PPARGC1A: variants seen among roughly 807,000 people sequenced by gnomAD.
PPARGC1A encodes PPARG coactivator 1 alpha, also known as peroxisome proliferator-activated receptor gamma coactivator 1-alpha.
Under a neutral mutation model 88.7 loss-of-function variants are expected in PPARGC1A, and 25 were observed. The ratio of observed to expected loss-of-function variants is 0.28; its 90% CI spans 0.21 to 0.39. The LOEUF is 0.39. Ranked by LOEUF, PPARGC1A falls within the 10% of genes least tolerant of loss-of-function variation. The pLI is 1.00. For synonymous variants in PPARGC1A, 363 were observed against 355.6 expected, an observed-to-expected ratio of 1.02 and a Z score of -0.24; for missense variants, 880 against 968.7, an observed-to-expected ratio of 0.91 and a Z score of 1.22.
At chr4:23,824,951 T>G (rs1723674110) in intron 5 of PPARGC1A, among the ~76,000 whole-genome samples, 1 of 152,124 alleles carries the variant, frequency 6.6e-6, no homozygotes, top group South Asian at 2.1e-4. Flanking sequence ...AATAGTTATT[T>G]CTATGAGGCC....
At chr4:24,045,267 A>T in the PPARGC1A span, among the ~76,000 whole-genome samples, 1 of 152,302 alleles carries the variant, frequency 6.6e-6, no homozygotes, top group South Asian at 2.1e-4. Context: ...TAATATAAAT[A>T]TATTTTTAAA....
the PPARGC1A span, among the ~76,000 whole-genome samples, chr4:24,328,632 T>C: frequency 6.6e-6 from 1 of 152,232 alleles, no homozygotes; most frequent in Admixed American, 6.5e-5. Flanking sequence ...TAGGCTACTT[T>C]TGATTCAACA....
the PPARGC1A span, among the ~76,000 whole-genome samples, chr4:23,911,088 A>G: frequency 6.6e-6 from 1 of 152,182 alleles, no homozygotes; most frequent in African/African-American, 2.4e-5. Context: ...CTAACAGAGA[A>G]AATGGAATCA....
intron 2 of PPARGC1A, among the ~76,000 whole-genome samples, chr4:23,833,396 C>T (rs966476528): frequency 2.0e-5 from 3 of 152,194 alleles, no homozygotes; most frequent in Non-Finnish European, 4.4e-5. Context: ...TTCAATCTGA[C>T]CTGCTTCCAA....
upstream of PPARGC1A, chr4:23,903,967 G>A (rs1719739125): frequency 2.2e-6 from 2 of 894,494 alleles, no homozygotes; most frequent in South Asian, 5.1e-5. Context: ...CCTCCTAGGT[G>A]CAGACATAAT....
At chr4:23,815,621 T>G (rs1384805307) in intron 7 of PPARGC1A, among the ~76,000 whole-genome samples, 1 of 152,158 alleles carries the variant, frequency 6.6e-6, no homozygotes, top group African/African-American at 2.4e-5. Flanking sequence ...CGTAGTAGTT[T>G]CCTCTGTTGA....
At chr4:24,457,428 T>C in the PPARGC1A span, among the ~76,000 whole-genome samples, 1 of 152,272 alleles carries the variant, frequency 6.6e-6, no homozygotes, top group Non-Finnish European at 1.5e-5. Context: ...TTAAGATTTC[T>C]AGCCTGGGTC....
the PPARGC1A span, among the ~76,000 whole-genome samples, chr4:24,045,847 A>T: frequency 6.6e-6 from 1 of 152,170 alleles, no homozygotes; most frequent in African/African-American, 2.4e-5. Flanking sequence ...CACAGTCTAA[A>T]ATCAATATAA....
chr4:23,826,953 A>G (rs916103440), intron 5 of PPARGC1A, among the ~76,000 whole-genome samples: 6 of 152,150 alleles, frequency 3.9e-5, no homozygotes, highest in Admixed American at 2.6e-4. Context: ...TGCATGCATG[A>G]CCAGCACAGG....
At chr4:24,210,523 G>A in the PPARGC1A span, among the ~76,000 whole-genome samples, 64 of 152,292 alleles carry the variant, frequency 4.2e-4, 1 homozygote, top group South Asian at 0.012. Context: ...TCAGCATAGT[G>A]TTTTGTTATT....
the PPARGC1A span, among the ~76,000 whole-genome samples, chr4:24,394,396 T>A: frequency 6.6e-6 from 1 of 152,256 alleles, no homozygotes; most frequent in South Asian, 2.1e-4. Flanking sequence ...GACCCTGAAG[T>A]TCACGTCTAG....
At chr4:23,862,366 G>C (rs1454303842) in intron 2 of PPARGC1A, among the ~76,000 whole-genome samples, 1 of 152,202 alleles carries the variant, frequency 6.6e-6, no homozygotes, top group African/African-American at 2.4e-5. Flanking sequence ...AATAATTCCA[G>C]GCATTTGGAA....
At chr4:23,899,764 T>G (rs1719068314), upstream of PPARGC1A, among the ~76,000 whole-genome samples, 1 of 152,032 alleles carries the variant, frequency 6.6e-6, no homozygotes, top group African/African-American at 2.4e-5. Flanking sequence ...CCATGGGTGG[T>G]GGTTTGGGGC....
At chr4:24,154,582 C>G in the PPARGC1A span, among the ~76,000 whole-genome samples, 2 of 152,318 alleles carry the variant, frequency 1.3e-5, no homozygotes, top group East Asian at 3.9e-4. Flanking sequence ...TCTGCTTTCT[C>G]ATATCACATT....
At chr4:23,916,437 C>T in the PPARGC1A span, among the ~76,000 whole-genome samples, 1 of 152,118 alleles carries the variant, frequency 6.6e-6, no homozygotes, top group East Asian at 1.9e-4. Flanking sequence ...TAGCATTTTC[C>T]TGTATAAATT....
At chr4:23,979,171 A>T in the PPARGC1A span, among the ~76,000 whole-genome samples, 4 of 152,118 alleles carry the variant, frequency 2.6e-5, no homozygotes, top group Admixed American at 2.0e-4. Flanking sequence ...CACTAGCACC[A>T]TTTTTTTCTA....
the PPARGC1A span, among the ~76,000 whole-genome samples, chr4:24,386,202 T>C: frequency 1.1e-4 from 16 of 152,122 alleles, no homozygotes; most frequent in Non-Finnish European, 1.8e-4. Context: ...CCCTTCATGC[T>C]AAAAACTCTC....
the PPARGC1A span, among the ~76,000 whole-genome samples, chr4:24,300,134 G>C: frequency 6.6e-6 from 1 of 151,414 alleles, no homozygotes; most frequent in Non-Finnish European, 1.5e-5. Context: ...TCCTGCCTTC[G>C]TTATCTACTC....
chr4:23,821,162 C>G (rs1722947349), intron 7 of PPARGC1A, among the ~76,000 whole-genome samples: 5 of 152,086 alleles, frequency 3.3e-5, no homozygotes, highest in Admixed American at 2.6e-4. Context: ...TAACATATGT[C>G]AATTACTATC....
Sources: allele counts gnomAD v4.1 joint callset (sites outside exome capture counted in the v4.1 genomes callset), GRCh38; gene constraint gnomAD v4.1.1; transcripts MANE v1.5; gene names NCBI Gene and HGNC (gene_info 2026-07-23, HGNC 2026-07-21).